The following SOCS7 variants were observed in gnomAD, a reference collection of about 807,000 sequenced individuals.
SOCS7 encodes the protein suppressor of cytokine signaling 7, also known as NAP-4.
A neutral mutation model predicts 58.9 loss-of-function variants in SOCS7; 18 were observed. That is an observed-to-expected ratio of 0.31 (90% CI 0.21 to 0.45). The LOEUF (loss-of-function observed/expected upper bound fraction) is 0.45. Among genes scored for constraint, SOCS7 ranks in the 20% least tolerant of loss-of-function variants. The pLI, the probability that SOCS7 is intolerant of heterozygous loss-of-function variation, is 1.00. For synonymous variants in SOCS7, 388 were observed against 364.3 expected (o/e 1.06, Z -0.74); for missense variants, 667 against 837.3 (o/e 0.80, Z 2.51).
rs755642509 is a variant in SOCS7 at position 38,363,109 on chromosome 17, C to CAA, written c.1045+1345_1045+1346dup. ...AGCCTGAGCGACTGAGCCTCTGTCTCAAAAAAAAAAAAGGAACACCACCTA... is the reference window on the plus strand; with the variant it reads ...AGCCTGAGCGACTGAGCCTCTGTCTCAAAAAAAAAAAAAAGGAACACCACCTA... On this transcript the variant is annotated intron_variant, in intron 2 of 9. Transcript: ENST00000612932. Among the ~76,000 whole-genome samples, 54 of 138,996 alleles carry CAA rather than the reference C, an allele frequency of 3.9e-4. 1 individual carries two copies. Among genetic ancestry groups the CAA allele is most frequent in the Admixed American group, 2.6e-3 (36 of 13,882 alleles). 91.2% of individuals were successfully genotyped at this position (138,996 alleles called of 152,430 possible).
chr17:38,380,565 A>T (rs918337026), intron 7 of SOCS7, among the ~76,000 whole-genome samples: 3 of 151,066 alleles, frequency 2.0e-5, no homozygotes, highest in African/African-American at 7.3e-5. Flanking sequence ...CAGGAGGCTG[A>T]GGTTGCAGTG....
chr17:38,404,270 G>A lies in SOCS7; in HGVS notation c.*4788G>A, dbSNP rs1270331622. The A allele has an allele frequency of 6.6e-6, 1 of 152,206 alleles. No individual in the cohort carries two copies. Among genetic ancestry groups the A allele is most frequent in the Non-Finnish European group, 1.5e-5 (1 of 68,040 alleles). The allele number at this position is 152,206 out of a possible 1,614,324, so 9.4% of individuals were successfully genotyped here. ...AAAATGTTGATTCTCTAATCTGCCA[G>A]AAAAGGACCTGTCTTTTCATGCAGA... On this transcript the variant is annotated 3_prime_UTR_variant, in exon 10 of 10. Transcript: ENST00000612932.
Position 38,366,330 on chromosome 17 carries a change from G to A in SOCS7, c.1296G>A (p.Leu432=), listed in dbSNP as rs763906134. The A allele has an allele frequency of 1.2e-6, 2 of 1,614,148 alleles. No individual in the cohort carries two copies. Among genetic ancestry groups the A allele is most frequent in the Admixed American group, 3.3e-5 (2 of 60,014 alleles). The change falls in exon 5 of 10, where the codon CTG becomes CTA. Residue 432 remains leucine (L), a synonymous_variant. Coordinates refer to ENST00000612932, the MANE Select transcript of SOCS7 (RefSeq NM_014598.4). ...CTCCCATCCGAGCAGCTGAATCCCT[G>A]CACAGCCAACCCCCACAGCACCTCC... is the stretch of plus-strand genomic sequence containing the variant. ...RIAPIRAAES[L]HSQPPQHLQC... is the part of the protein sequence containing the mutation.
intron 9 of SOCS7, among the ~76,000 whole-genome samples, chr17:38,396,420 A>G (rs1567754127): frequency 6.6e-6 from 1 of 152,246 alleles, no homozygotes; most frequent in Non-Finnish European, 1.5e-5. Context: ...AGGAAACTTC[A>G]TCAAAGAGAA....
In SOCS7 at chr17:38,389,665, G is replaced by T. The variant is rs140283230; in HGVS notation, c.1682-5644G>T. On this transcript the variant is annotated intron_variant, in intron 7 of 9. Transcript: ENST00000612932. Reference sequence around the variant, plus strand: ...TTGATGGTATTCTTTGAAGCATGAAGGATTTTGATGAGTTCCTATTCCAAC... The same window carrying T: ...TTGATGGTATTCTTTGAAGCATGAATGATTTTGATGAGTTCCTATTCCAAC... Among the ~76,000 whole-genome samples the T allele has an allele frequency of 6.6e-3, 974 of 148,196 alleles. 11 individuals carry two copies. Among genetic ancestry groups the T allele is most frequent in the African/African-American group, 0.022 (908 of 40,656 alleles).
At chr17:38,362,833 G>C (rs587601900) in intron 2 of SOCS7, among the ~76,000 whole-genome samples, 1 of 152,154 alleles carries the variant, frequency 6.6e-6, no homozygotes, top group Non-Finnish European at 1.5e-5. Flanking sequence ...GCTTGGTCAC[G>C]GTCACGGTGG....
At chr17:38,397,182 G>A (rs774156731) in intron 9 of SOCS7, among the ~76,000 whole-genome samples, 14 of 152,184 alleles carry the variant, frequency 9.2e-5, no homozygotes, top group Non-Finnish European at 1.5e-5. Context: ...CCCAGAGCAC[G>A]GAGGTTTTAG....
At chr17:38,379,757 C>CAGTTGACTT (rs1373881702) in intron 7 of SOCS7, among the ~76,000 whole-genome samples, 1 of 152,172 alleles carries the variant, frequency 6.6e-6, no homozygotes, top group Non-Finnish European at 1.5e-5. Context: ...GGGTCTTGTG[C>CAGTTGACTT]AGTTGACTTG....
intron 9 of SOCS7, among the ~76,000 whole-genome samples, chr17:38,397,257 C>G (rs942231644): frequency 2.6e-5 from 4 of 152,218 alleles, no homozygotes; most frequent in Non-Finnish European, 5.9e-5. Context: ...AACCTCCTCT[C>G]TGTGGTTCCA....
At chr17:38,388,533 A>G (rs1298206537) in intron 7 of SOCS7, among the ~76,000 whole-genome samples, 1 of 152,088 alleles carries the variant, frequency 6.6e-6, no homozygotes, top group East Asian at 1.9e-4. Flanking sequence ...AGAAAAAAAA[A>G]TACTGTGCAA....
chr17:38,352,945 G>A lies in SOCS7; in HGVS notation c.893G>A (p.Gly298Asp), dbSNP rs866023494. ...NGGSGGGDGT[G>D]KRPSGELAAS... ...GGCTCCGGCGGTGGGGATGGGACCG[G>A]CAAGAGGCCTTCTGGAGAGCTGGCT... Residue 298 changes from glycine to aspartate, a missense_variant, in exon 1 of 10, where the codon GGC becomes GAC. Physicochemically the swap from Gly to Asp is moderately conservative, Grantham distance 94. Around this residue, in one of 9 missense-constraint regions of SOCS7, gnomAD observed 208 missense variants for 190.3 expected, o/e 1.09. Transcript: ENST00000612932. This position sits in a 1 kb window ranked among gnomAD's most constrained non-coding sequence, Gnocchi z 5.5. The A allele has an allele frequency of 6.2e-7, 1 of 1,607,374 alleles. No individual in the cohort carries two copies. The highest frequency in any genetic ancestry group is 8.5e-7 in the Non-Finnish European group (1 of 1,178,202).
At chr17:38,365,072 T>G (rs1319714565) in intron 3 of SOCS7, among the ~76,000 whole-genome samples, 1 of 152,216 alleles carries the variant, frequency 6.6e-6, no homozygotes, top group Non-Finnish European at 1.5e-5. Flanking sequence ...CAGTTTACAT[T>G]TATCTTGCCT....
intron 7 of SOCS7, among the ~76,000 whole-genome samples, chr17:38,394,077 C>T (rs192301643): frequency 6.0e-4 from 92 of 152,308 alleles, no homozygotes; most frequent in African/African-American, 2.2e-3. Context: ...CTTCCATAGC[C>T]CCTTTGTTTA....
rs2038305710 is a variant in SOCS7 at position 38,400,577 on chromosome 17, T to TC, written c.*1097dup. ...CTCAGAACGCAGCCCTCACGGGATT[T>TC]CCTTAGGTCAGAGGAGAGCATCGCA... is the stretch of plus-strand genomic sequence containing the variant. On this transcript the variant is annotated 3_prime_UTR_variant, in exon 10 of 10. Transcript: ENST00000612932. 6.6e-6 allele frequency: 1 copy of TC among 152,200 alleles called. No individual in the cohort carries two copies. The highest frequency in any genetic ancestry group is 2.4e-5 in the African/African-American group (1 of 41,450). The allele number at this position is 152,200 out of a possible 1,614,324, so 9.4% of individuals were successfully genotyped here.
chr17:38,389,771 C>T (rs541007445), intron 7 of SOCS7, among the ~76,000 whole-genome samples: 160 of 126,612 alleles, frequency 1.3e-3, no homozygotes, highest in Non-Finnish European at 2.1e-3. Flanking sequence ...ATATTTTCTT[C>T]TAGGAGACTT....
At chr17:38,375,280 C>T (rs1426261355) in intron 6 of SOCS7, among the ~76,000 whole-genome samples, 1 of 152,136 alleles carries the variant, frequency 6.6e-6, no homozygotes, top group East Asian at 1.9e-4. Context: ...CCTACTTCCC[C>T]TTCCACCTTC....
chr17:38,372,696 C>A (rs1420319597), intron 6 of SOCS7, among the ~76,000 whole-genome samples: 1 of 152,176 alleles, frequency 6.6e-6, no homozygotes, highest in Non-Finnish European at 1.5e-5. Flanking sequence ...CCCTAAGAGG[C>A]AGAGAAAAGT....
chr17:38,394,657 C>G (rs889449359), intron 7 of SOCS7, among the ~76,000 whole-genome samples: 1 of 152,174 alleles, frequency 6.6e-6, no homozygotes, highest in East Asian at 1.9e-4. Context: ...TTGGCCTTCC[C>G]GAGAGCCTCA....
chr17:38,382,689 A>G (rs1420131605), intron 7 of SOCS7, among the ~76,000 whole-genome samples: 2 of 151,902 alleles, frequency 1.3e-5, no homozygotes, highest in Admixed American at 6.6e-5. Flanking sequence ...GGGTTTCACC[A>G]TGTTGGCCAG....
Sources: allele counts gnomAD v4.1 joint callset (sites outside exome capture counted in the v4.1 genomes callset), GRCh38; gene constraint gnomAD v4.1.1; regional missense constraint gnomAD v4.1.1; non-coding constraint Gnocchi (gnomAD v3.1); transcripts MANE v1.5; gene names NCBI Gene and HGNC (gene_info 2026-07-23, HGNC 2026-07-21).